SPATA16: variants seen among roughly 807,000 people sequenced by gnomAD.
The protein encoded by SPATA16 is spermatogenesis-associated protein 16.
A neutral mutation model predicts 63.3 loss-of-function variants in SPATA16; 36 were observed. The ratio of observed to expected loss-of-function variants is 0.57; its 90% confidence interval spans 0.44 to 0.75. The LOEUF (loss-of-function observed/expected upper bound fraction) is 0.75, where lower values mean the gene tolerates loss of function less well. Among genes scored for constraint, SPATA16 ranks in the 30% least tolerant of loss-of-function variants. SPATA16 has a pLI of 0.00. For synonymous variants in SPATA16, 203 were observed against 216.7 expected (o/e 0.94, Z 0.56); for missense variants, 646 against 679.3 (o/e 0.95, Z 0.54).
At chr3:173,109,052 T>G (rs1017003171) in intron 2 of SPATA16, among the ~76,000 whole-genome samples, 13 of 152,336 alleles carry the variant, frequency 8.5e-5, no homozygotes, top group African/African-American at 3.1e-4. Flanking sequence ...TGTGATTCTC[T>G]TTTCATTTGT....
At chr3:173,035,165 G>A (rs1288027830) in intron 3 of SPATA16, among the ~76,000 whole-genome samples, 2 of 151,948 alleles carry the variant, frequency 1.3e-5, no homozygotes, top group African/African-American at 4.8e-5. Context: ...TCAACTAAGT[G>A]TTAACCTACT....
chr3:173,044,763 G>A (rs894692676), intron 3 of SPATA16, among the ~76,000 whole-genome samples: 5 of 152,118 alleles, frequency 3.3e-5, no homozygotes, highest in Non-Finnish European at 7.4e-5. Flanking sequence ...TTAAGATGTT[G>A]AGGTTTTTTT....
chr3:173,085,234 T>C (rs1426369656), intron 2 of SPATA16, among the ~76,000 whole-genome samples: 3 of 152,134 alleles, frequency 2.0e-5, no homozygotes, highest in Non-Finnish European at 4.4e-5. Context: ...TTCTCTTCCC[T>C]TTTAGCTGTA....
intron 2 of SPATA16, among the ~76,000 whole-genome samples, chr3:173,097,323 C>A (rs1737384446): frequency 6.6e-6 from 1 of 151,942 alleles, no homozygotes; most frequent in African/African-American, 2.4e-5. Context: ...TTCAGGTATG[C>A]CAAAGAGAAG....
chr3:173,071,215 A>G (rs180709935), intron 2 of SPATA16, among the ~76,000 whole-genome samples: 8 of 152,318 alleles, frequency 5.3e-5, no homozygotes, highest in African/African-American at 1.7e-4. Context: ...TGGGTAAAGG[A>G]TGGTCTCTTC....
At chr3:173,050,957 G>C (rs557187331) in intron 2 of SPATA16, among the ~76,000 whole-genome samples, 4 of 152,226 alleles carry the variant, frequency 2.6e-5, no homozygotes, top group African/African-American at 7.2e-5. Context: ...CTGTAAACAG[G>C]CTTTAAAACA....
At chr3:173,076,601 C>T (rs1736809874) in intron 2 of SPATA16, among the ~76,000 whole-genome samples, 1 of 151,716 alleles carries the variant, frequency 6.6e-6, no homozygotes, top group African/African-American at 2.4e-5. Context: ...TTATTTTAAA[C>T]AGCTGAGATT....
intron 2 of SPATA16, among the ~76,000 whole-genome samples, chr3:173,064,170 T>C (rs898864134): frequency 6.6e-6 from 1 of 151,782 alleles, no homozygotes; most frequent in African/African-American, 2.4e-5. Flanking sequence ...TAGCTGGGCA[T>C]GGTGGCACGC....
chr3:172,942,690 T>C (rs929263073), intron 6 of SPATA16, among the ~76,000 whole-genome samples: 1 of 152,118 alleles, frequency 6.6e-6, no homozygotes, highest in African/African-American at 2.4e-5. Flanking sequence ...TTGATCCAGG[T>C]AATGAATACA....
At chr3:172,947,442 T>C (rs1577101176) in intron 6 of SPATA16, among the ~76,000 whole-genome samples, 1 of 152,200 alleles carries the variant, frequency 6.6e-6, no homozygotes, top group African/African-American at 2.4e-5. Context: ...TCTGAGTACA[T>C]GTGGGTTTGA....
intron 6 of SPATA16, among the ~76,000 whole-genome samples, chr3:172,953,339 G>A (rs1224447389): frequency 2.0e-5 from 3 of 152,084 alleles, no homozygotes; most frequent in Non-Finnish European, 4.4e-5. Context: ...ATGCAGCAAG[G>A]GAAAAATGGC....
chr3:173,055,349 A>G (rs1736196241), intron 2 of SPATA16, among the ~76,000 whole-genome samples: 1 of 152,234 alleles, frequency 6.6e-6, no homozygotes, highest in African/African-American at 2.4e-5. Context: ...AACTTCATTT[A>G]TAATAGCTCC....
intron 5 of SPATA16, among the ~76,000 whole-genome samples, chr3:172,960,893 CCT>C (rs1349340162): frequency 0.031 from 4,536 of 147,844 alleles, 244 homozygotes; most frequent in African/African-American, 0.11. Context: ...TTCTCTCTCT[CCT>C]TCCTTCCTTC....
At chr3:172,932,832 G>C (rs7642841) in intron 6 of SPATA16, among the ~76,000 whole-genome samples, 3,239 of 151,990 alleles carry the variant, frequency 0.021, 118 homozygotes, top group African/African-American at 0.075. Flanking sequence ...TAATTTCAGA[G>C]TTATAGACAG....
intron 3 of SPATA16, among the ~76,000 whole-genome samples, chr3:173,023,453 A>G (rs1427746802): frequency 6.6e-6 from 1 of 151,956 alleles, no homozygotes; most frequent in Non-Finnish European, 1.5e-5. Flanking sequence ...ACAACTGCCT[A>G]ATGTCCTCTA....
At chr3:173,017,333 A>T (rs1735214699) in intron 4 of SPATA16, among the ~76,000 whole-genome samples, 1 of 152,252 alleles carries the variant, frequency 6.6e-6, no homozygotes, top group African/African-American at 2.4e-5. Context: ...TTCACTGCAG[A>T]TATACCTAAT....
intron 1 of SPATA16, among the ~76,000 whole-genome samples, chr3:173,121,570 T>A (rs1738072948): frequency 6.6e-6 from 1 of 152,178 alleles, no homozygotes; most frequent in African/African-American, 2.4e-5. Context: ...ATATCGCAAT[T>A]ATTCCTGAAT....
chr3:173,014,933 T>C (rs1207001168), intron 4 of SPATA16, among the ~76,000 whole-genome samples: 1 of 152,268 alleles, frequency 6.6e-6, no homozygotes, highest in Admixed American at 6.5e-5. Flanking sequence ...ATATTTTATC[T>C]TTTAATTGGT....
intron 2 of SPATA16, among the ~76,000 whole-genome samples, chr3:173,102,676 C>T (rs879294439): frequency 6.6e-5 from 10 of 152,184 alleles, no homozygotes; most frequent in South Asian, 2.1e-4. Flanking sequence ...TTAGGGATTA[C>T]ATCTCAACAT....
Sources: gnomAD v4.1 joint callset for allele counts (sites outside exome capture counted in the v4.1 genomes callset) on GRCh38, gnomAD v4.1.1 for gene constraint, MANE v1.5 for transcripts, NCBI Gene and HGNC (gene_info 2026-07-23, HGNC 2026-07-21) for gene names.